Variants in DNMBP observed in about 807,000 individuals in gnomAD.
The protein encoded by DNMBP is dynamin-binding protein.
DNMBP carries 87 observed loss-of-function variants against 150.0 expected under a neutral mutation model. That is an observed-to-expected ratio of 0.58 (90% CI 0.49 to 0.69). The LOEUF (loss-of-function observed/expected upper bound fraction) is 0.69. Among genes scored for constraint, DNMBP ranks in the 30% least tolerant of loss-of-function variants. DNMBP has a pLI of 0.00. For synonymous variants in DNMBP, 711 were observed against 750.4 expected (o/e 0.95, Z 0.86); for missense variants, 1,774 against 1,949.0 (o/e 0.91, Z 1.69).
intron 4 of DNMBP, among the ~76,000 whole-genome samples, chr10:99,911,119 T>C (rs2039893335): frequency 6.6e-6 from 1 of 152,072 alleles, no homozygotes; most frequent in Non-Finnish European, 1.5e-5. Flanking sequence ...CACACACCTA[T>C]AGTCCCAGCT....
In DNMBP at chr10:99,995,851, G is replaced by A. The variant is rs531969386; in HGVS notation, c.-11+13987C>T. 8.5e-5 allele frequency among the ~76,000 whole-genome samples: 13 copies of A among 152,356 alleles called. No homozygotes were observed. The East Asian group carries it at 2.3e-3, about 27-fold the overall frequency. On this transcript the variant is annotated intron_variant, in intron 1 of 16. Transcript: ENST00000324109. ...TAATAAACACGTCTGTCTTCAAGAA[G>A]GGACAGTGGAGTCACCCAGGTGCTG... is the stretch of plus-strand genomic sequence containing the variant.
rs1180754811 is a variant in DNMBP at position 99,884,088 on chromosome 10, A to G, written c.3920T>C (p.Leu1307Ser). The G allele has an allele frequency of 1.2e-6, 2 of 1,614,066 alleles. No individual in the cohort carries two copies. Among genetic ancestry groups the G allele is most frequent in the African/African-American group, 2.7e-5 (2 of 75,000 alleles). Residue 1307 changes from leucine (L) to serine (S), a missense_variant, in exon 15 of 17, where the codon TTG becomes TCG. Coordinates refer to ENST00000324109, the MANE Select transcript of DNMBP (RefSeq NM_015221.4). ...AATCACACCCACCAGGTCACCTTCC[A>G]AAAGTGAGACATCCAAGTCTTGAGC... is the stretch of plus-strand genomic sequence containing the variant. ...NAAQDLDVSL[L>S]EGDLVGVIKK...
At chr10:99,885,568 T>C in intron 14 of DNMBP, 119 bp downstream of exon 14, 2 of 992,210 alleles carry the variant, frequency 2.0e-6, no homozygotes, top group Non-Finnish European at 2.9e-6. Context: ...TGCAACACTA[T>C]TCTCCATTTA....
chr10:99,877,441 C>A, intron 16 of DNMBP, 105 bp from the exon 17 acceptor site: 6 of 803,468 alleles, frequency 7.5e-6, no homozygotes, highest in Non-Finnish European at 9.7e-6. Context: ...CCACATGTGG[C>A]TACTGAGCCC....
At chr10:99,942,909 T>C (rs2040315922) in intron 4 of DNMBP, among the ~76,000 whole-genome samples, 2 of 152,222 alleles carry the variant, frequency 1.3e-5, no homozygotes, top group South Asian at 4.1e-4. Context: ...AAGTTGAAGA[T>C]ACTTGCTTTT....
At chr10:99,963,792 C>T (rs7899698) in intron 3 of DNMBP, among the ~76,000 whole-genome samples, 59,615 of 148,338 alleles carry the variant, frequency 0.4, 12,459 homozygotes, top group African/African-American at 0.52. Flanking sequence ...GGGTTCCTCA[C>T]GGACTCCTTT....
At chr10:99,958,631 G>GGATACAA (rs2040526086) in intron 3 of DNMBP, among the ~76,000 whole-genome samples, 1 of 152,062 alleles carries the variant, frequency 6.6e-6, no homozygotes. Flanking sequence ...TACTACCATG[G>GGATACAA]GCTTGGCAGC....
intron 3 of DNMBP, among the ~76,000 whole-genome samples, chr10:99,967,668 GGT>G (rs140839578): frequency 0.015 from 2,241 of 145,394 alleles, 33 homozygotes; most frequent in African/African-American, 0.042. Flanking sequence ...GGTTTTTCTG[GGT>G]GTGTGTGTGT....
At chr10:99,882,463 G>T (rs2039383813) in intron 15 of DNMBP, among the ~76,000 whole-genome samples, 1 of 152,124 alleles carries the variant, frequency 6.6e-6, no homozygotes, top group Non-Finnish European at 1.5e-5. Context: ...GCATGCCTCT[G>T]GTCCCAGCTA....
chr10:99,904,875 T>C (rs1410836423), intron 6 of DNMBP, among the ~76,000 whole-genome samples: 27 of 152,186 alleles, frequency 1.8e-4, no homozygotes, highest in Admixed American at 1.6e-3. Context: ...TAGTACACTA[T>C]AGACACAGAT....
chr10:100,002,124 T>C (rs896044479), intron 1 of DNMBP, among the ~76,000 whole-genome samples: 5 of 152,138 alleles, frequency 3.3e-5, no homozygotes, highest in Admixed American at 2.0e-4. Flanking sequence ...GAAAATGATA[T>C]AGTGCAATGT....
At chr10:99,961,949 A>G (rs1218375436) in intron 3 of DNMBP, among the ~76,000 whole-genome samples, 2 of 149,632 alleles carry the variant, frequency 1.3e-5, no homozygotes, top group Non-Finnish European at 3.0e-5. Context: ...TATCTCACCT[A>G]TGATATGAGA....
At chr10:99,947,478 C>A (rs760645935) in intron 4 of DNMBP, among the ~76,000 whole-genome samples, 1 of 149,412 alleles carries the variant, frequency 6.7e-6, no homozygotes, top group African/African-American at 2.5e-5. Flanking sequence ...CCAAATATTG[C>A]ATGTTTTCAC....
At chr10:99,892,032 C>A (rs575041112) in intron 11 of DNMBP, among the ~76,000 whole-genome samples, 2 of 138,916 alleles carry the variant, frequency 1.4e-5, no homozygotes, top group Admixed American at 1.4e-4. Flanking sequence ...CCGCCCCGTC[C>A]GGGAGGGAGG....
intron 15 of DNMBP, among the ~76,000 whole-genome samples, chr10:99,880,632 C>A (rs1269308724): frequency 6.6e-6 from 1 of 152,146 alleles, no homozygotes; most frequent in Non-Finnish European, 1.5e-5. Flanking sequence ...CACAACCTCA[C>A]AACAGATGCA....
At chr10:99,893,606 C>T (rs765476897) in intron 11 of DNMBP, among the ~76,000 whole-genome samples, 12 of 152,102 alleles carry the variant, frequency 7.9e-5, no homozygotes, top group Non-Finnish European at 1.6e-4. Flanking sequence ...TGGTGGTGTA[C>T]GCCTCAGCTA....
chr10:99,955,182 A>G, intron 4 of DNMBP, 32 bp downstream of exon 4: 3 of 1,576,342 alleles, frequency 1.9e-6, no homozygotes, highest in Non-Finnish European at 2.6e-6. Context: ...GAGTGTCAAG[A>G]AACAATTACA....
At chr10:99,975,545 A>G (rs2040719023) in intron 1 of DNMBP, among the ~76,000 whole-genome samples, 1 of 152,132 alleles carries the variant, frequency 6.6e-6, no homozygotes, top group Admixed American at 6.5e-5. Flanking sequence ...CTTATTATAG[A>G]CTTTTTGTCT....
intron 1 of DNMBP, among the ~76,000 whole-genome samples, chr10:99,995,166 T>A (rs1373475398): frequency 1.3e-5 from 2 of 151,678 alleles, no homozygotes; most frequent in Non-Finnish European, 2.9e-5. Flanking sequence ...AATCCTCCCA[T>A]CTCAGCCTCC....
Sources: allele counts gnomAD v4.1 joint callset (sites outside exome capture counted in the v4.1 genomes callset), GRCh38; gene constraint gnomAD v4.1.1; transcripts MANE v1.5; gene names NCBI Gene and HGNC (gene_info 2026-07-23, HGNC 2026-07-21).